MAGI2: variants seen among roughly 807,000 people sequenced by gnomAD.
MAGI2 encodes membrane-associated guanylate kinase, WW and PDZ domain-containing protein 2.
MAGI2 carries 35 observed loss-of-function variants against 133.3 expected under a neutral mutation model. The observed-to-expected ratio is 0.26, with a 90% CI of 0.20 to 0.35. The LOEUF is 0.35. Ranked by LOEUF, MAGI2 falls within the 10% of genes least tolerant of loss-of-function variation. The probability of loss-of-function intolerance (pLI) is 1.00; values close to 1 mark genes in which losing one functional copy is unlikely to be tolerated. For missense variants in MAGI2, 1,636 were observed against 1,863.4 expected (o/e 0.88, Z 2.25); for synonymous variants, 729 against 710.6 (o/e 1.03, Z -0.41).
At chr7:78,683,266 T>TG (rs1458369095) in intron 2 of MAGI2, among the ~76,000 whole-genome samples, 4 of 152,126 alleles carry the variant, frequency 2.6e-5, no homozygotes, top group Non-Finnish European at 5.9e-5. Context: ...TAGAGGCTAT[T>TG]GCGATAGTGC....
intron 2 of MAGI2, among the ~76,000 whole-genome samples, chr7:78,760,097 C>G (rs957365624): frequency 2.9e-4 from 44 of 150,808 alleles, no homozygotes; most frequent in African/African-American, 9.0e-4. Context: ...GCCTGGGCAA[C>G]AGAGCGAGAC....
intron 1 of MAGI2, among the ~76,000 whole-genome samples, chr7:79,164,471 C>T (rs1332016436): frequency 6.6e-6 from 1 of 151,894 alleles, no homozygotes; most frequent in Non-Finnish European, 1.5e-5. Context: ...TCCAGGCCCT[C>T]CCAATACTGA....
chr7:79,453,309 G>C lies in MAGI2; in HGVS notation c.12C>G (p.Ser4Arg). 6.2e-7 allele frequency: 1 copy of C among 1,610,322 alleles called. No individual in the cohort carries two copies. Among genetic ancestry groups the C allele is most frequent in the Non-Finnish European group, 8.5e-7 (1 of 1,177,748 alleles). Residue 4 changes from serine (S) to arginine (R), a missense_variant, in exon 1 of 22, where the codon AGC becomes AGG. Around this residue, in one of 5 missense-constraint regions of MAGI2, gnomAD observed 148 missense variants for 239.0 expected, o/e 0.62. Transcript: ENST00000354212. Reference protein sequence around the residue: MSKSLKKKSHWTSK... With the variant: MSKRLKKKSHWTSK... ...TAGTCCAGTGGCTTTTCTTTTTCAAGCTTTTGGACATGGCAGTGGGGCGAG... is the reference window on the plus strand; with the variant it reads ...TAGTCCAGTGGCTTTTCTTTTTCAACCTTTTGGACATGGCAGTGGGGCGAG...
chr7:79,015,560 C>T lies in MAGI2; in HGVS notation c.302-8354G>A, dbSNP rs150113413. The stretch of plus-strand genomic sequence containing the variant: ...CATTCCAAACAACAGACTAATATAG[C>T]CTGCATAGTCTGTGTTGTGATGGAT... On this transcript the variant is annotated intron_variant, in intron 1 of 21. Transcript: ENST00000354212. 4.7e-3 allele frequency among the ~76,000 whole-genome samples: 719 copies of T among 152,198 alleles called. 8 individuals are homozygous for T. The highest frequency in any genetic ancestry group is 0.017 in the African/African-American group (698 of 41,514).
chr7:78,332,428 G>A (rs907836232), intron 9 of MAGI2, among the ~76,000 whole-genome samples: 1 of 152,250 alleles, frequency 6.6e-6, no homozygotes, highest in African/African-American at 2.4e-5. Flanking sequence ...GCTGGGCGCA[G>A]TGGCTCACGC....
chr7:78,082,533 T>C (rs1816095456), intron 20 of MAGI2, among the ~76,000 whole-genome samples: 1 of 152,208 alleles, frequency 6.6e-6, no homozygotes, highest in African/African-American at 2.4e-5. Context: ...GAGGCTCTGA[T>C]ACATGCTGAA....
intron 1 of MAGI2, among the ~76,000 whole-genome samples, chr7:79,299,587 T>C (rs941290263): frequency 7.1e-6 from 1 of 141,304 alleles, no homozygotes; most frequent in Non-Finnish European, 1.5e-5. Context: ...ATCTTTATTG[T>C]CCAAGGCATT....
intron 1 of MAGI2, 150 bp downstream of exon 1, chr7:79,452,870 C>T: frequency 2.5e-6 from 2 of 806,340 alleles, no homozygotes; most frequent in Non-Finnish European, 3.8e-6. Context: ...GAATCCCCGG[C>T]GAAACTCACT....
intron 21 of MAGI2, among the ~76,000 whole-genome samples, chr7:78,048,785 A>G (rs549545296): frequency 4.5e-4 from 69 of 152,304 alleles, no homozygotes; most frequent in African/African-American, 1.6e-3. Flanking sequence ...GAGATTTCCA[A>G]TGAATATAAG....
At chr7:79,403,167 A>G (rs1257811704) in intron 1 of MAGI2, among the ~76,000 whole-genome samples, 1 of 152,212 alleles carries the variant, frequency 6.6e-6, no homozygotes, top group Non-Finnish European at 1.5e-5. Flanking sequence ...ATTAGAGGAA[A>G]TCTTAAATAG....
At chr7:78,546,682 C>A (rs1584577857) in intron 3 of MAGI2, among the ~76,000 whole-genome samples, 2 of 54,588 alleles carry the variant, frequency 3.7e-5, no homozygotes, top group Non-Finnish European at 5.0e-5. Flanking sequence ...CCTCATCTCT[C>A]TCTCTCTCTC....
intron 3 of MAGI2, among the ~76,000 whole-genome samples, chr7:78,610,874 T>C (rs1228253964): frequency 6.6e-6 from 1 of 152,130 alleles, no homozygotes; most frequent in Non-Finnish European, 1.5e-5. Flanking sequence ...ATAGGGTAAA[T>C]CTAGACTTTA....
chr7:78,896,406 G>A lies in MAGI2; in HGVS notation c.418+110684C>T, dbSNP rs573407881. 6.6e-5 allele frequency among the ~76,000 whole-genome samples: 10 copies of A among 151,774 alleles called. No individual in the cohort carries two copies. The East Asian group carries it at 9.7e-4, about 15-fold the overall frequency. On this transcript the variant is annotated intron_variant, in intron 2 of 21. Coordinates refer to ENST00000354212, the MANE Select transcript of MAGI2 (RefSeq NM_012301.4). ...GCTGCATGAATAAATTAATCTGGTC[G>A]CTTAAACAGGTAAAGCTCCTCATTG...
At chr7:79,223,416 C>G (rs752204471) in intron 1 of MAGI2, among the ~76,000 whole-genome samples, 1 of 151,966 alleles carries the variant, frequency 6.6e-6, no homozygotes, top group African/African-American at 2.4e-5. Flanking sequence ...GGGAAACTAG[C>G]TGCAGTGAGG....
chr7:78,867,700 G>A (rs1584216162), intron 2 of MAGI2, among the ~76,000 whole-genome samples: 2 of 150,808 alleles, frequency 1.3e-5, no homozygotes, highest in African/African-American at 4.9e-5. Context: ...TAATAATAAA[G>A]AAAGAAAGAA....
intron 2 of MAGI2, among the ~76,000 whole-genome samples, chr7:78,642,055 C>A (rs1810372618): frequency 6.6e-6 from 1 of 152,280 alleles, no homozygotes; most frequent in East Asian, 1.9e-4. Context: ...ATTTACCAGA[C>A]ATTTCATACA....
chr7:78,218,696 AG>A (rs1292549640), intron 10 of MAGI2, among the ~76,000 whole-genome samples: 1 of 152,224 alleles, frequency 6.6e-6, no homozygotes, highest in Non-Finnish European at 1.5e-5. Flanking sequence ...CATATGACAA[AG>A]GAAGTGTGTT....
At chr7:78,707,088 G>A (rs1014285185) in intron 2 of MAGI2, among the ~76,000 whole-genome samples, 12 of 152,070 alleles carry the variant, frequency 7.9e-5, no homozygotes, top group Admixed American at 2.0e-4. Flanking sequence ...GTATCTGAAT[G>A]CAGCTGGGTT....
At chr7:78,741,728 A>G (rs1306862301) in intron 2 of MAGI2, among the ~76,000 whole-genome samples, 1 of 152,100 alleles carries the variant, frequency 6.6e-6, no homozygotes, top group Non-Finnish European at 1.5e-5. Context: ...CAACTGTGAA[A>G]TAGGGATACT....
Sources: gnomAD v4.1 joint callset for allele counts (sites outside exome capture counted in the v4.1 genomes callset) on GRCh38, gnomAD v4.1.1 for gene constraint, gnomAD v4.1.1 regional missense constraint, MANE v1.5 for transcripts, NCBI Gene and HGNC (gene_info 2026-07-23, HGNC 2026-07-21) for gene names.